FOXP1: variants seen among roughly 807,000 people sequenced by gnomAD.
FOXP1 encodes the protein forkhead box P1, also known as forkhead box protein P1.
Under a neutral mutation model 98.2 loss-of-function variants are expected in FOXP1, and 15 were observed. The observed-to-expected ratio is 0.15, with a 90% CI of 0.10 to 0.24. FOXP1 has a LOEUF of 0.24. Among genes scored for constraint, FOXP1 ranks in the 10% least tolerant of loss-of-function variants. The pLI, the probability that FOXP1 is intolerant of heterozygous loss-of-function variation, is 1.00. For synonymous variants in FOXP1, 371 were observed against 314.5 expected, an observed-to-expected ratio of 1.18 and a Z score of -1.90; for missense variants, 633 against 848.5, an observed-to-expected ratio of 0.75 and a Z score of 3.15.
intron 2 of FOXP1, among the ~76,000 whole-genome samples, chr3:71,521,882 T>A (rs866537944): frequency 6.6e-6 from 1 of 152,096 alleles, no homozygotes; most frequent in Non-Finnish European, 1.5e-5. Context: ...GAAAGGCGCA[T>A]TGGACTTTTA....
intron 7 of FOXP1, among the ~76,000 whole-genome samples, chr3:71,062,264 G>C (rs1306377654): frequency 1.3e-5 from 2 of 152,206 alleles, no homozygotes; most frequent in East Asian, 1.9e-4. Context: ...AGCTAGTTGA[G>C]ATTTAATTAA....
chr3:71,442,342 A>C (rs1304962049), intron 3 of FOXP1, among the ~76,000 whole-genome samples: 1 of 151,854 alleles, frequency 6.6e-6, no homozygotes, highest in Non-Finnish European at 1.5e-5. Context: ...GGCCAACTAC[A>C]GCACCTGTCA....
intron 5 of FOXP1, among the ~76,000 whole-genome samples, chr3:71,262,316 A>C (rs2069238426): frequency 6.9e-6 from 1 of 145,294 alleles, no homozygotes; most frequent in Admixed American, 7.1e-5. Context: ...TCAGGTCCCT[A>C]CTACATACCA....
chr3:71,478,241 C>T (rs1316575026), intron 3 of FOXP1, among the ~76,000 whole-genome samples: 1 of 152,146 alleles, frequency 6.6e-6, no homozygotes, highest in Admixed American at 6.5e-5. Flanking sequence ...CAACCTTCAG[C>T]CCCCTACATA....
chr3:70,993,369 T>C (rs1366315280), intron 13 of FOXP1, among the ~76,000 whole-genome samples: 1 of 152,154 alleles, frequency 6.6e-6, no homozygotes, highest in African/African-American at 2.4e-5. Flanking sequence ...AGTTCCTGCG[T>C]AGAGCCCAGC....
At chr3:71,252,771 G>A (rs1018980106) in intron 5 of FOXP1, among the ~76,000 whole-genome samples, 1 of 152,234 alleles carries the variant, frequency 6.6e-6, no homozygotes, top group South Asian at 2.1e-4. Context: ...TGGTCCCACA[G>A]TAGGGAAATG....
intron 7 of FOXP1, among the ~76,000 whole-genome samples, chr3:71,094,125 G>T (rs1254472520): frequency 6.6e-6 from 1 of 152,166 alleles, no homozygotes; most frequent in Non-Finnish European, 1.5e-5. Context: ...AATATTTTAG[G>T]CACTGCAGGA....
intron 10 of FOXP1, among the ~76,000 whole-genome samples, chr3:71,046,182 G>C (rs1486957558): frequency 6.6e-6 from 1 of 152,116 alleles, no homozygotes; most frequent in Non-Finnish European, 1.5e-5. Flanking sequence ...GTGAAAGTCA[G>C]AGTTGCTTAA....
At chr3:71,243,100 C>T (rs2067425695) in intron 5 of FOXP1, among the ~76,000 whole-genome samples, 1 of 152,100 alleles carries the variant, frequency 6.6e-6, no homozygotes, top group South Asian at 2.1e-4. Context: ...CTACTAATTC[C>T]AATCACCCCC....
chr3:71,274,748 C>G lies in FOXP1; in HGVS notation c.-12+25072G>C, dbSNP rs771140089. On this transcript the variant is annotated intron_variant, in intron 5 of 20. Transcript: ENST00000649528. ...AGCTGGAAGTAAAGGCTGGGTAGATCTGGGCAAAATCAACAGTTTCTTATC... is the reference window on the plus strand; with the variant it reads ...AGCTGGAAGTAAAGGCTGGGTAGATGTGGGCAAAATCAACAGTTTCTTATC... Among the ~76,000 whole-genome samples the G allele has an allele frequency of 7.9e-5, 12 of 152,136 alleles. No homozygotes were observed. In the South Asian group the frequency reaches 1.0e-3, roughly 13 times the overall value.
chr3:71,530,522 C>T (rs1026924784), intron 2 of FOXP1, among the ~76,000 whole-genome samples: 4 of 152,190 alleles, frequency 2.6e-5, no homozygotes, highest in Non-Finnish European at 5.9e-5. Context: ...ACCCCCTACA[C>T]ATTGTGGTGA....
At chr3:71,577,183 A>C (rs1227045413) in intron 2 of FOXP1, among the ~76,000 whole-genome samples, 1 of 152,228 alleles carries the variant, frequency 6.6e-6, no homozygotes, top group Non-Finnish European at 1.5e-5. Context: ...ATAATTTATT[A>C]AAGAAACAAA....
At chr3:71,108,382 T>TA (rs2057620698) in intron 7 of FOXP1, among the ~76,000 whole-genome samples, 2 of 152,248 alleles carry the variant, frequency 1.3e-5, no homozygotes, top group Non-Finnish European at 2.9e-5. Context: ...CCAGTAAAGT[T>TA]ACGCATTTTC....
chr3:71,081,988 A>G (rs2107528130), intron 7 of FOXP1, among the ~76,000 whole-genome samples: 1 of 152,378 alleles, frequency 6.6e-6, no homozygotes, highest in South Asian at 2.1e-4. Flanking sequence ...CATAGAATAG[A>G]CGGTGCTGCG....
intron 7 of FOXP1, among the ~76,000 whole-genome samples, chr3:71,094,245 C>A (rs974528731): frequency 6.6e-6 from 1 of 150,478 alleles, no homozygotes; most frequent in Admixed American, 6.6e-5. Context: ...ACACTGAAAT[C>A]TGAATTTCAT....
intron 11 of FOXP1, among the ~76,000 whole-genome samples, chr3:71,028,777 C>T (rs182678279): frequency 1.3e-5 from 2 of 152,258 alleles, no homozygotes; most frequent in African/African-American, 2.4e-5. Flanking sequence ...TTGGGAGCCC[C>T]GAGCTTATTT....
intron 10 of FOXP1, among the ~76,000 whole-genome samples, chr3:71,041,928 C>A (rs1576378439): frequency 1.3e-5 from 2 of 152,114 alleles, no homozygotes; most frequent in South Asian, 4.2e-4. Flanking sequence ...ACATGAACTA[C>A]AAAATGAATA....
intron 12 of FOXP1, among the ~76,000 whole-genome samples, chr3:71,002,179 T>C (rs1453307116): frequency 6.6e-6 from 1 of 152,200 alleles, no homozygotes; most frequent in African/African-American, 2.4e-5. Context: ...CTAGGTACAA[T>C]TAAAGCTCAC....
intron 12 of FOXP1, among the ~76,000 whole-genome samples, chr3:71,013,782 G>C (rs2044025028): frequency 6.6e-6 from 1 of 152,292 alleles, no homozygotes; most frequent in African/African-American, 2.4e-5. Flanking sequence ...AAACAGCATG[G>C]TACTGGTACT....
Sources: allele counts gnomAD v4.1 joint callset (sites outside exome capture counted in the v4.1 genomes callset), GRCh38; gene constraint gnomAD v4.1.1; transcripts MANE v1.5; gene names NCBI Gene and HGNC (gene_info 2026-07-23, HGNC 2026-07-21).